Variants in MTCL1 observed in about 807,000 individuals in gnomAD.
MTCL1 encodes microtubule crosslinking factor 1, also known as microtubule cross-linking factor 1.
In MTCL1, 79 loss-of-function variants were observed where a neutral mutation model predicts 141.4. That is an observed-to-expected ratio of 0.56 (90% CI 0.47 to 0.67). The LOEUF is 0.67. Among genes scored for constraint, MTCL1 ranks in the 30% least tolerant of loss-of-function variants. The probability of loss-of-function intolerance (pLI) is 0.00; values close to 1 mark genes in which losing one functional copy is unlikely to be tolerated. For synonymous variants in MTCL1, 914 were observed against 875.8 expected, an observed-to-expected ratio of 1.04 and a Z score of -0.77; for missense variants, 2,177 against 2,113.9, an observed-to-expected ratio of 1.03 and a Z score of -0.59.
intron 4 of MTCL1, among the ~76,000 whole-genome samples, chr18:8,733,333 G>A (rs554633937): frequency 1.3e-5 from 2 of 152,258 alleles, no homozygotes; most frequent in South Asian, 4.1e-4. Flanking sequence ...GTAAACTATA[G>A]GAAACATTAA....
At chr18:8,722,662 C>T (rs1435151816) in intron 4 of MTCL1, among the ~76,000 whole-genome samples, 1 of 151,972 alleles carries the variant, frequency 6.6e-6, no homozygotes, top group African/African-American at 2.4e-5. Context: ...ATAGTCTTCA[C>T]GTTGAGTAGA....
intron 10 of MTCL1, chr18:8,801,566 C>A (rs2076123957): frequency 6.6e-6 from 1 of 152,188 alleles, no homozygotes; most frequent in African/African-American, 2.4e-5. Context: ...TAAAAATTCA[C>A]ATGTGCAGAT....
chr18:8,826,626 A>G (rs2077036789), intron 15 of MTCL1, among the ~76,000 whole-genome samples: 1 of 152,112 alleles, frequency 6.6e-6, no homozygotes, highest in Non-Finnish European at 1.5e-5. Context: ...AGACCTTCAT[A>G]TGTGACAGCA....
intron 10 of MTCL1, among the ~76,000 whole-genome samples, chr18:8,804,329 C>T (rs867861368): frequency 2.5e-4 from 37 of 149,042 alleles, no homozygotes; most frequent in African/African-American, 8.7e-4. Context: ...GATCTTAGCT[C>T]ACTGTAACCT....
chr18:8,819,146 G>A (rs1252225603), exon 13 of MTCL1: 1 of 1,614,256 alleles, frequency 6.2e-7, no homozygotes, highest in Admixed American at 1.7e-5. Flanking sequence ...GAAGGAGTCG[G>A]ACAGGTGCTC....
At chr18:8,798,257 T>C in exon 10 of MTCL1, 1 of 1,574,338 alleles carries the variant, frequency 6.4e-7, no homozygotes. Context: ...AGCTTGCGGC[T>C]GCAGACCGCG....
At chr18:8,725,950 C>T (rs556521788) in intron 4 of MTCL1, among the ~76,000 whole-genome samples, 140 of 151,874 alleles carry the variant, frequency 9.2e-4, no homozygotes, top group African/African-American at 3.1e-3. Flanking sequence ...CCACCACGCC[C>T]GGCTAATTTT....
chr18:8,831,936 C>G, exon 17 of MTCL1: 2 of 1,042,032 alleles, frequency 1.9e-6, no homozygotes, highest in Non-Finnish European at 2.8e-6. Flanking sequence ...AAACACAAAG[C>G]TGCTGAATGT....
chr18:8,776,433 T>A (rs2658753), intron 4 of MTCL1, among the ~76,000 whole-genome samples: 38,498 of 152,120 alleles, frequency 0.25, 5,115 homozygotes, highest in East Asian at 0.4. Context: ...TGCAGACACC[T>A]CTAGGCCCCT....
intron 4 of MTCL1, among the ~76,000 whole-genome samples, chr18:8,775,182 C>T (rs888937228): frequency 6.6e-5 from 10 of 152,156 alleles, no homozygotes; most frequent in African/African-American, 2.4e-4. Flanking sequence ...GGGCCCTGAT[C>T]GCTATTACAG....
chr18:8,741,029 C>T (rs138220533), intron 4 of MTCL1, among the ~76,000 whole-genome samples: 1 of 152,190 alleles, frequency 6.6e-6, no homozygotes, highest in Non-Finnish European at 1.5e-5. Flanking sequence ...CTAAATTGTC[C>T]CCTTTTACAT....
At chr18:8,820,731 A>G (rs2076818573) in intron 13 of MTCL1, among the ~76,000 whole-genome samples, 1 of 152,190 alleles carries the variant, frequency 6.6e-6, no homozygotes, top group South Asian at 2.1e-4. Context: ...TGGACCCTGC[A>G]TGGCAGAGAC....
chr18:8,806,639 C>T (rs568543110), intron 10 of MTCL1, among the ~76,000 whole-genome samples: 3 of 152,232 alleles, frequency 2.0e-5, no homozygotes, highest in African/African-American at 7.2e-5. Context: ...TGCCAGGTCA[C>T]CAGGGCAGCC....
At chr18:8,740,736 G>C (rs1430026298) in intron 4 of MTCL1, among the ~76,000 whole-genome samples, 1 of 152,158 alleles carries the variant, frequency 6.6e-6, no homozygotes, top group Non-Finnish European at 1.5e-5. Context: ...GCCTGCCTCG[G>C]CTTCCCAAAG....
At chr18:8,778,027 T>G in intron 5 of MTCL1, 135 bp downstream of exon 4, 1 of 701,766 alleles carries the variant, frequency 1.4e-6, no homozygotes, top group Non-Finnish European at 2.3e-6. Flanking sequence ...CGTGGACTCA[T>G]TCCTAACCTC....
intron 14 of MTCL1, among the ~76,000 whole-genome samples, chr18:8,823,018 C>A (rs372183116): frequency 6.6e-6 from 1 of 150,390 alleles, no homozygotes; most frequent in African/African-American, 2.4e-5. Flanking sequence ...AGTAAGACTC[C>A]GTCTCAAAAA....
intron 9 of MTCL1, 38 bp downstream of exon 8, chr18:8,796,500 TTTGTC>T: frequency 6.2e-7 from 1 of 1,604,584 alleles, no homozygotes; most frequent in Non-Finnish European, 8.5e-7. Flanking sequence ...TTGCATCTGT[TTTGTC>T]CTTGACCCCA....
chr18:8,825,837 C>A, exon 15 of MTCL1: 1 of 1,614,212 alleles, frequency 6.2e-7, no homozygotes, highest in Non-Finnish European at 8.5e-7. Flanking sequence ...TAATGATGGC[C>A]TCTCCAGCCT....
exon 15 of MTCL1, chr18:8,825,073 C>T (rs1198889117): frequency 1.9e-5 from 31 of 1,611,570 alleles, no homozygotes; most frequent in African/African-American, 2.7e-5. Flanking sequence ...ACCGAGCAGT[C>T]GGGGTTGCGC....
Sources: allele counts gnomAD v4.1 joint callset (sites outside exome capture counted in the v4.1 genomes callset), GRCh38; gene constraint gnomAD v4.1.1; transcripts MANE v1.5; gene names NCBI Gene and HGNC (gene_info 2026-07-23, HGNC 2026-07-21).